The following GABRB1 variants were observed in gnomAD, a reference collection of about 807,000 sequenced individuals.
GABRB1 encodes gamma-aminobutyric acid receptor subunit beta-1.
GABRB1 carries 17 observed loss-of-function variants against 51.6 expected under a neutral mutation model. The ratio of observed to expected loss-of-function variants is 0.33; its 90% CI spans 0.23 to 0.49. The LOEUF (loss-of-function observed/expected upper bound fraction) is 0.49. Among genes scored for constraint, GABRB1 ranks in the 20% least tolerant of loss-of-function variants. The pLI is 0.99. For synonymous variants in GABRB1, 247 were observed against 218.9 expected, an observed-to-expected ratio of 1.13 and a Z score of -1.14; for missense variants, 410 against 600.6, an observed-to-expected ratio of 0.68 and a Z score of 3.32.
chr4:47,181,838 G>C (rs144395223), intron 4 of GABRB1, among the ~76,000 whole-genome samples: 4 of 151,972 alleles, frequency 2.6e-5, no homozygotes, highest in Non-Finnish European at 5.9e-5. Flanking sequence ...TTTCCTGCAA[G>C]CATCATGGGT....
At chr4:47,351,174 A>G (rs967793028) in intron 5 of GABRB1, among the ~76,000 whole-genome samples, 1 of 152,204 alleles carries the variant, frequency 6.6e-6, no homozygotes, top group Non-Finnish European at 1.5e-5. Context: ...AAAGAATCAC[A>G]TCTATAGGTC....
chr4:47,189,048 T>C (rs1329247889), intron 4 of GABRB1, among the ~76,000 whole-genome samples: 1 of 151,710 alleles, frequency 6.6e-6, no homozygotes, highest in Non-Finnish European at 1.5e-5. Flanking sequence ...GGATAATGAG[T>C]CCTGAGCGTG....
chr4:47,275,523 C>T (rs1370742347), intron 4 of GABRB1, among the ~76,000 whole-genome samples: 2 of 152,206 alleles, frequency 1.3e-5, no homozygotes, highest in Non-Finnish European at 2.9e-5. Flanking sequence ...TTTTGAGGGA[C>T]TAAATAATGA....
At chr4:47,305,507 T>C (rs1200626614) in intron 4 of GABRB1, among the ~76,000 whole-genome samples, 2 of 152,150 alleles carry the variant, frequency 1.3e-5, no homozygotes, top group Non-Finnish European at 2.9e-5. Flanking sequence ...ACATCAATTC[T>C]GTGTCAGACA....
intron 3 of GABRB1, among the ~76,000 whole-genome samples, chr4:47,139,326 T>C (rs1466928213): frequency 6.6e-6 from 1 of 151,956 alleles, no homozygotes; most frequent in East Asian, 1.9e-4. Flanking sequence ...TTTGAATTGG[T>C]TTTAGGGTCC....
intron 3 of GABRB1, among the ~76,000 whole-genome samples, chr4:47,057,443 A>C (rs1259889821): frequency 6.6e-6 from 1 of 152,276 alleles, no homozygotes; most frequent in East Asian, 1.9e-4. Context: ...AAAATGTCAC[A>C]CAAAATTAGA....
At chr4:47,362,350 AG>A (rs1726838168) in intron 5 of GABRB1, among the ~76,000 whole-genome samples, 1 of 152,106 alleles carries the variant, frequency 6.6e-6, no homozygotes, top group African/African-American at 2.4e-5. Flanking sequence ...GCTATGGATG[AG>A]GGAGAGTGAG....
intron 3 of GABRB1, among the ~76,000 whole-genome samples, chr4:47,125,137 G>A (rs887736741): frequency 6.6e-6 from 1 of 152,094 alleles, no homozygotes; most frequent in Admixed American, 6.5e-5. Context: ...ATTTCTCTCA[G>A]CAGAGACCTT....
intron 5 of GABRB1, among the ~76,000 whole-genome samples, chr4:47,346,074 T>C (rs1388801995): frequency 6.6e-6 from 1 of 150,832 alleles, no homozygotes; most frequent in Non-Finnish European, 1.5e-5. Context: ...CAGATACCCC[T>C]ATCAATAACA....
intron 4 of GABRB1, among the ~76,000 whole-genome samples, chr4:47,190,910 T>C (rs189215414): frequency 1.3e-5 from 2 of 152,312 alleles, no homozygotes; most frequent in East Asian, 1.9e-4. Flanking sequence ...GTTTTACTGT[T>C]AGGTCTGCAA....
chr4:47,086,435 T>G (rs1242713441), intron 3 of GABRB1, among the ~76,000 whole-genome samples: 1 of 152,196 alleles, frequency 6.6e-6, no homozygotes, highest in Non-Finnish European at 1.5e-5. Context: ...CATATTCTTT[T>G]ATATTAGACT....
At chr4:47,088,814 T>C (rs1365321846) in intron 3 of GABRB1, among the ~76,000 whole-genome samples, 1 of 152,240 alleles carries the variant, frequency 6.6e-6, no homozygotes, top group Non-Finnish European at 1.5e-5. Flanking sequence ...CAGTCAGCCG[T>C]AGTTTATTCT....
chr4:47,338,344 G>A (rs575857712), intron 5 of GABRB1, among the ~76,000 whole-genome samples: 1 of 152,294 alleles, frequency 6.6e-6, no homozygotes, highest in Non-Finnish European at 1.5e-5. Context: ...AGGATGACAA[G>A]ATGACTACAT....
upstream of GABRB1, among the ~76,000 whole-genome samples, chr4:47,029,646 C>T (rs1725221491): frequency 6.6e-6 from 1 of 151,864 alleles, no homozygotes; most frequent in African/African-American, 2.4e-5. Flanking sequence ...AAGATATTCT[C>T]CTATATAGTT....
intron 4 of GABRB1, among the ~76,000 whole-genome samples, chr4:47,308,139 C>A (rs896512797): frequency 6.6e-6 from 1 of 151,856 alleles, no homozygotes; most frequent in African/African-American, 2.4e-5. Context: ...TGAAAGCCAC[C>A]TAAATGTTCA....
At chr4:47,387,785 A>C (rs1190616463) in intron 5 of GABRB1, among the ~76,000 whole-genome samples, 1 of 152,184 alleles carries the variant, frequency 6.6e-6, no homozygotes, top group African/African-American at 2.4e-5. Context: ...GCTTAACCCC[A>C]GCTGAATAGC....
At chr4:47,028,981 C>T (rs1277346214), upstream of GABRB1, among the ~76,000 whole-genome samples, 1 of 151,222 alleles carries the variant, frequency 6.6e-6, no homozygotes, top group African/African-American at 2.4e-5. Context: ...GCACCTTGCT[C>T]TTGTTTCGTT....
At chr4:46,996,552 C>A (rs1001938367) in intron 1 of GABRB1, among the ~76,000 whole-genome samples, 9 of 152,260 alleles carry the variant, frequency 5.9e-5, no homozygotes, top group South Asian at 4.1e-4. Context: ...TATCTCTCAT[C>A]AAGTTCTTAT....
At chr4:47,226,309 A>T (rs1291580098) in intron 4 of GABRB1, among the ~76,000 whole-genome samples, 1 of 152,146 alleles carries the variant, frequency 6.6e-6, no homozygotes, top group Non-Finnish European at 1.5e-5. Context: ...AAAATAAGGT[A>T]TCAAGGAATG....
Sources: gnomAD v4.1 joint callset for allele counts (sites outside exome capture counted in the v4.1 genomes callset) on GRCh38, gnomAD v4.1.1 for gene constraint, MANE v1.5 for transcripts, NCBI Gene and HGNC (gene_info 2026-07-23, HGNC 2026-07-21) for gene names.